The following TBCK variants were observed in gnomAD, a reference collection of about 807,000 sequenced individuals.
The protein encoded by TBCK is TBC domain-containing protein kinase-like protein.
A neutral mutation model predicts 113.4 loss-of-function variants in TBCK; 99 were observed. That is an observed-to-expected ratio of 0.87 (90% CI 0.74 to 1.03). TBCK has a LOEUF of 1.03. Among genes scored for constraint, TBCK ranks in the 50% least tolerant of loss-of-function variants. The probability of loss-of-function intolerance (pLI) is 0.00; values close to 1 mark genes in which losing one functional copy is unlikely to be tolerated. For missense variants in TBCK, 1,045 were observed against 1,061.3 expected, an observed-to-expected ratio of 0.98 and a Z score of 0.21; for synonymous variants, 369 against 370.8, an observed-to-expected ratio of 1.00 and a Z score of 0.05.
At position 106,122,725 on chromosome 4, in the gene TBCK, A is replaced by G. The variant is rs1250873192; in HGVS notation, c.2236-6347T>C. On this transcript the variant is annotated intron_variant, in intron 23 of 25. Coordinates refer to ENST00000394708, the MANE Select transcript of TBCK (RefSeq NM_001163435.3). ...GGGATGCAAGGCTGGTTCAATATAC[A>G]CAAATCAATAAATGTAATCCAGCAT... is the stretch of plus-strand genomic sequence containing the variant. Among the ~76,000 whole-genome samples, 8 of 152,220 alleles carry G rather than the reference A, an allele frequency of 5.3e-5. No homozygotes were observed. The East Asian group carries it at 1.2e-3, about 22-fold the overall frequency.
chr4:106,088,829 C>G (rs755792312), intron 25 of TBCK, among the ~76,000 whole-genome samples: 3 of 152,090 alleles, frequency 2.0e-5, no homozygotes, highest in South Asian at 2.1e-4. Flanking sequence ...AATAGAGGAG[C>G]AGAAAACCAA....
chr4:106,241,266 ATATT>A (rs1165226051), intron 12 of TBCK, among the ~76,000 whole-genome samples: 2 of 151,956 alleles, frequency 1.3e-5, no homozygotes, highest in African/African-American at 2.4e-5. Flanking sequence ...AATAAATGAC[ATATT>A]TATTTAAGCA....
At position 106,218,064 on chromosome 4, in the gene TBCK, G is replaced by A. The variant is rs371946141; in HGVS notation, c.1775-5229C>T. On this transcript the variant is annotated intron_variant, in intron 19 of 25. Coordinates refer to ENST00000394708, the MANE Select transcript of TBCK (RefSeq NM_001163435.3). Reference sequence around the variant, plus strand: ...GAATAGAGCCCTCAGAAATAACGCCGCATATCTACAACTATCTGATCTTTC... The same window carrying A: ...GAATAGAGCCCTCAGAAATAACGCCACATATCTACAACTATCTGATCTTTC... Among the ~76,000 whole-genome samples, 69 of 145,432 alleles carry A rather than the reference G, an allele frequency of 4.7e-4. No individual in the cohort carries two copies. In the East Asian group the frequency reaches 8.0e-3, roughly 17 times the overall value.
At chr4:106,194,776 C>G in intron 20 of TBCK, 22 bp from the exon 21 acceptor site, 1 of 1,556,026 alleles carries the variant, frequency 6.4e-7, no homozygotes, top group Non-Finnish European at 8.7e-7. Flanking sequence ...AAAAGGGGTA[C>G]AGGGAATGGA....
At chr4:106,162,616 T>C (rs1749923055) in intron 23 of TBCK, among the ~76,000 whole-genome samples, 2 of 152,126 alleles carry the variant, frequency 1.3e-5, no homozygotes, top group Admixed American at 6.5e-5. Context: ...TTCTCAAACC[T>C]CGATTTTTGA....
intron 25 of TBCK, among the ~76,000 whole-genome samples, chr4:106,073,302 T>C (rs918972147): frequency 3.9e-5 from 6 of 152,218 alleles, no homozygotes; most frequent in Admixed American, 3.9e-4. Context: ...GCCCTTTTTG[T>C]TGATGTTGAT....
chr4:106,153,485 T>G (rs72968424), intron 23 of TBCK, among the ~76,000 whole-genome samples: 6,011 of 152,204 alleles, frequency 0.039, 382 homozygotes, highest in African/African-American at 0.13. Flanking sequence ...TATCTCTGGA[T>G]AGAGAACATA....
intron 24 of TBCK, among the ~76,000 whole-genome samples, chr4:106,096,033 G>T (rs1472241271): frequency 6.6e-6 from 1 of 151,940 alleles, no homozygotes; most frequent in Non-Finnish European, 1.5e-5. Context: ...AAAGAAAAGG[G>T]TATGACATTA....
At chr4:106,212,624 T>C in intron 20 of TBCK, 126 bp downstream of exon 20, 1 of 626,988 alleles carries the variant, frequency 1.6e-6, no homozygotes, top group Non-Finnish European at 2.8e-6. Context: ...AAGGCTACAA[T>C]TAGTAGCAGT....
intron 12 of TBCK, among the ~76,000 whole-genome samples, chr4:106,238,997 T>A (rs1241550146): frequency 6.6e-6 from 1 of 152,080 alleles, no homozygotes; most frequent in Non-Finnish European, 1.5e-5. Flanking sequence ...AGGGTGAAGA[T>A]CTGAGAAAAA....
chr4:106,079,872 C>T lies in TBCK; in HGVS notation c.2571+15610G>A, dbSNP rs533756574. On this transcript the variant is annotated intron_variant, in intron 25 of 25. Coordinates refer to ENST00000394708, the MANE Select transcript of TBCK (RefSeq NM_001163435.3). ...GAAGGTGAGGAGGAAGCAGGCGCAT[C>T]GTACATGGCTGCAGCAGGAGGAAGA... Among the ~76,000 whole-genome samples the T allele has an allele frequency of 6.6e-5, 10 of 152,202 alleles. No homozygotes were observed. The South Asian group carries it at 8.3e-4, about 13-fold the overall frequency.
At chr4:106,157,037 C>T (rs1749208603) in intron 23 of TBCK, among the ~76,000 whole-genome samples, 1 of 152,112 alleles carries the variant, frequency 6.6e-6, no homozygotes, top group Non-Finnish European at 1.5e-5. Flanking sequence ...ATTCAGGGCC[C>T]AAGGGCACTT....
chr4:106,271,379 GTGT>G (rs1294306479), intron 3 of TBCK, among the ~76,000 whole-genome samples: 4 of 152,164 alleles, frequency 2.6e-5, no homozygotes, highest in Non-Finnish European at 5.9e-5. Flanking sequence ...TCTCCTGTGT[GTGT>G]TGTTTTCTTG....
At chr4:106,076,837 T>G (rs2149485925) in intron 25 of TBCK, among the ~76,000 whole-genome samples, 1 of 152,246 alleles carries the variant, frequency 6.6e-6, no homozygotes, top group African/African-American at 2.4e-5. Context: ...CTGCAGTGGC[T>G]CATGCTTATA....
chr4:106,055,748 G>A (rs1287575056), intron 25 of TBCK, among the ~76,000 whole-genome samples: 2 of 150,766 alleles, frequency 1.3e-5, no homozygotes, highest in African/African-American at 4.9e-5. Flanking sequence ...CAATTTTTAT[G>A]GTTTCTTGAA....
intron 23 of TBCK, among the ~76,000 whole-genome samples, chr4:106,121,641 A>C (rs1190268733): frequency 6.6e-6 from 1 of 152,182 alleles, no homozygotes; most frequent in East Asian, 1.9e-4. Context: ...TCTCCTCAGC[A>C]AATGTAAAAG....
intron 25 of TBCK, among the ~76,000 whole-genome samples, chr4:106,053,521 T>C (rs555176169): frequency 1.3e-5 from 2 of 151,798 alleles, no homozygotes; most frequent in Admixed American, 6.6e-5. Context: ...GGATTTATCT[T>C]ATCTTTTTGA....
intron 25 of TBCK, among the ~76,000 whole-genome samples, chr4:106,086,061 T>C (rs922359945): frequency 2.0e-5 from 3 of 151,784 alleles, no homozygotes; most frequent in Admixed American, 6.6e-5. Context: ...AGCAAACTTA[T>C]CCAAAAGCTA....
intron 23 of TBCK, among the ~76,000 whole-genome samples, chr4:106,162,473 G>A (rs1218262705): frequency 6.6e-6 from 1 of 152,166 alleles, no homozygotes; most frequent in African/African-American, 2.4e-5. Context: ...GGGACTCTGT[G>A]TGGGAGTTCT....
Sources: allele counts gnomAD v4.1 joint callset (sites outside exome capture counted in the v4.1 genomes callset), GRCh38; gene constraint gnomAD v4.1.1; transcripts MANE v1.5; gene names NCBI Gene and HGNC (gene_info 2026-07-23, HGNC 2026-07-21).